The following KDM5A variants were observed in gnomAD, a reference collection of about 807,000 sequenced individuals.
KDM5A encodes lysine demethylase 5A.
In KDM5A, 42 loss-of-function variants were observed where a neutral mutation model predicts 193.5. The ratio of observed to expected loss-of-function variants is 0.22; its 90% CI spans 0.17 to 0.28. The LOEUF is 0.28. Among genes scored for constraint, KDM5A ranks in the 10% least tolerant of loss-of-function variants. The probability of loss-of-function intolerance (pLI) is 1.00; values close to 1 mark genes in which losing one functional copy is unlikely to be tolerated. For synonymous variants in KDM5A, 796 were observed against 718.1 expected, an observed-to-expected ratio of 1.11 and a Z score of -1.73; for missense variants, 1,692 against 2,055.1, an observed-to-expected ratio of 0.82 and a Z score of 3.42.
intron 1 of KDM5A, among the ~76,000 whole-genome samples, chr12:386,937 A>G (rs1944644106): frequency 6.6e-6 from 1 of 152,218 alleles, no homozygotes. Flanking sequence ...TTTAAACTAA[A>G]AAGGGTAAAA....
chr12:311,010 G>T lies in KDM5A; in HGVS notation c.3091C>A (p.Arg1031Ser), dbSNP rs528401054. 2 of 1,614,174 alleles carry T rather than the reference G, an allele frequency of 1.2e-6. No individual in the cohort carries two copies. Among genetic ancestry groups the T allele is most frequent in the African/African-American group, 1.3e-5 (1 of 75,032 alleles). Residue 1031 changes from arginine to serine, a missense_variant, in exon 21 of 28, where the codon CGC becomes AGC. Transcript: ENST00000399788. ...EQLESLSAKG[R>S]PIPVRLEALP... is the part of the protein sequence containing the mutation. ...GCTTCAAGACGCACAGGAATAGGGC[G>T]TCCTTTCGCAGACAAGCTCTCAAGC...
intron 5 of KDM5A, among the ~76,000 whole-genome samples, chr12:357,697 G>A (rs891816747): frequency 5.3e-5 from 8 of 151,272 alleles, no homozygotes; most frequent in South Asian, 2.1e-4. Context: ...GCATGGTGGC[G>A]CACGCCTATA....
chr12:374,337 G>C (rs1040761976), intron 3 of KDM5A, among the ~76,000 whole-genome samples: 1 of 151,852 alleles, frequency 6.6e-6, no homozygotes, highest in Non-Finnish European at 1.5e-5. Context: ...ATTATGTAAT[G>C]GCCTTGTCTC....
intron 26 of KDM5A, among the ~76,000 whole-genome samples, chr12:293,790 G>T (rs1005391579): frequency 2.1e-5 from 2 of 93,162 alleles, no homozygotes; most frequent in Middle Eastern, 5.0e-3. Context: ...AAAAAAAAAG[G>T]GGGGGGGGGG....
Position 383,255 on chromosome 12 carries a change from C to T in KDM5A, c.366+776G>A, listed in dbSNP as rs368004971. Among the ~76,000 whole-genome samples, 17 of 151,792 alleles carry T rather than the reference C, an allele frequency of 1.1e-4. No individual in the cohort carries two copies. The East Asian group carries it at 1.4e-3, about 12-fold the overall frequency. The stretch of plus-strand genomic sequence containing the variant: ...TTGAGACAGGGTCTAACTCCTGTGG[C>T]CAAGGCTGAGGTGCAGTGGCGCAAT... On this transcript the variant is annotated intron_variant, in intron 3 of 27. Coordinates refer to ENST00000399788, the MANE Select transcript of KDM5A (RefSeq NM_001042603.3).
At chr12:352,975 T>C (rs1263386392) in intron 8 of KDM5A, among the ~76,000 whole-genome samples, 1 of 152,200 alleles carries the variant, frequency 6.6e-6, no homozygotes, top group Non-Finnish European at 1.5e-5. Flanking sequence ...ACAAGGCATT[T>C]CACGACAATG....
intron 3 of KDM5A, among the ~76,000 whole-genome samples, chr12:378,997 C>CT (rs1266108481): frequency 1.3e-5 from 2 of 150,762 alleles, no homozygotes; most frequent in Non-Finnish European, 2.9e-5. Context: ...ATATAGAAGT[C>CT]TATTAAATTA....
At chr12:325,639 A>G (rs149915606) in intron 14 of KDM5A, among the ~76,000 whole-genome samples, 2 of 152,314 alleles carry the variant, frequency 1.3e-5, no homozygotes, top group Non-Finnish European at 2.9e-5. Context: ...GTGCCACTGC[A>G]CTCCAACTCG....
chr12:321,220 G>T, intron 17 of KDM5A, 111 bp from the exon 18 acceptor site: 1 of 774,770 alleles, frequency 1.3e-6, no homozygotes, highest in Non-Finnish European at 2.3e-6. Flanking sequence ...GAATCCCAGT[G>T]TTTGAAGGAT....
At chr12:368,975 G>A (rs1334174850) in intron 3 of KDM5A, among the ~76,000 whole-genome samples, 1 of 152,172 alleles carries the variant, frequency 6.6e-6, no homozygotes. Flanking sequence ...CTAAAAATAA[G>A]TGAAGGAAAT....
At position 280,683 on chromosome 12, in the gene KDM5A, G is replaced by A. The variant is rs1364502727; in HGVS notation, c.*4773C>T. On this transcript the variant is annotated 3_prime_UTR_variant, in exon 28 of 28. Transcript: ENST00000399788. Reference sequence around the variant, plus strand: ...GTTGTGAGCTTTAAGAAGCCAAAGAGAAAGGGAAAGCATTTCCTTGTTTTC... The same window carrying A: ...GTTGTGAGCTTTAAGAAGCCAAAGAAAAAGGGAAAGCATTTCCTTGTTTTC... 1 of 232,996 alleles carries A rather than the reference G, an allele frequency of 4.3e-6. No homozygotes were observed. The highest frequency in any genetic ancestry group is 6.0e-5 in the East Asian group (1 of 16,590). 14.4% of individuals were successfully genotyped at this position (232,996 alleles called of 1,614,324 possible).
intron 12 of KDM5A, chr12:333,062 T>C (rs1331143109): frequency 1.4e-5 from 3 of 219,316 alleles, no homozygotes; most frequent in Non-Finnish European, 2.8e-5. Flanking sequence ...TATGACTCAT[T>C]TCTAGTTACA....
At chr12:290,398 A>G (rs1209513465) in intron 27 of KDM5A, among the ~76,000 whole-genome samples, 1 of 152,194 alleles carries the variant, frequency 6.6e-6, no homozygotes, top group Non-Finnish European at 1.5e-5. Context: ...AACTAACAAC[A>G]TAGGGTGGGG....
chr12:292,184 G>GT (rs1943304263), intron 27 of KDM5A, among the ~76,000 whole-genome samples: 1 of 152,152 alleles, frequency 6.6e-6, no homozygotes. Context: ...GATTACAGGC[G>GT]TGAGCCACAC....
intron 1 of KDM5A, among the ~76,000 whole-genome samples, chr12:387,496 G>C (rs1409101711): frequency 6.6e-6 from 1 of 152,116 alleles, no homozygotes; most frequent in South Asian, 2.1e-4. Context: ...TAGAAAAAAG[G>C]GTTAAATGGA....
chr12:389,118 C>A lies in KDM5A; in HGVS notation c.-27G>T. On this transcript the variant is annotated 5_prime_UTR_variant, in exon 1 of 28. Transcript: ENST00000399788. ...GCAACGGCCGGGGGGGGGGGGGGGT[C>A]CCCGTGGGGAACCGGTGGAGAAAAG... The A allele has an allele frequency of 1.3e-6, 2 of 1,533,660 alleles. No homozygotes were observed. Among genetic ancestry groups the A allele is most frequent in the African/African-American group, 1.8e-5 (1 of 56,606 alleles).
intron 3 of KDM5A, among the ~76,000 whole-genome samples, chr12:376,832 G>C (rs1393540178): frequency 6.6e-6 from 1 of 152,072 alleles, no homozygotes; most frequent in African/African-American, 2.4e-5. Flanking sequence ...CCTCTCAAGA[G>C]GTCAAATAGA....
At chr12:289,714 C>CAA (rs774919490) in intron 27 of KDM5A, among the ~76,000 whole-genome samples, 3,482 of 78,958 alleles carry the variant, frequency 0.044, 222 homozygotes, top group African/African-American at 0.14. Context: ...GACCCTGTCT[C>CAA]AAAAAAAAAA....
chr12:330,891 CCAATA>C (rs907723824), intron 13 of KDM5A, among the ~76,000 whole-genome samples: 5 of 151,986 alleles, frequency 3.3e-5, no homozygotes, highest in Non-Finnish European at 5.9e-5. Context: ...AAAAACAGCA[CCAATA>C]CAAGAAAATA....
Sources: gnomAD v4.1 joint callset for allele counts (sites outside exome capture counted in the v4.1 genomes callset) on GRCh38, gnomAD v4.1.1 for gene constraint, MANE v1.5 for transcripts, NCBI Gene and HGNC (gene_info 2026-07-23, HGNC 2026-07-21) for gene names.